Variants in SHTN1 observed in about 807,000 individuals in gnomAD.
SHTN1 encodes the protein shootin-1.
SHTN1 carries 42 observed loss-of-function variants against 83.1 expected under a neutral mutation model. The ratio of observed to expected loss-of-function variants is 0.51; its 90% CI spans 0.39 to 0.65. The LOEUF is 0.65. Among genes scored for constraint, SHTN1 ranks in the 30% least tolerant of loss-of-function variants. The pLI, the probability that SHTN1 is intolerant of heterozygous loss-of-function variation, is 0.00. For missense variants in SHTN1, 622 were observed against 737.8 expected, an observed-to-expected ratio of 0.84 and a Z score of 1.82; for synonymous variants, 224 against 247.7, an observed-to-expected ratio of 0.90 and a Z score of 0.90.
rs1250617378 is a variant in SHTN1, at chr10:116,968,922, CCTT to C, written c.112-213_112-211del. Among the ~76,000 whole-genome samples, 7 of 152,298 alleles carry C rather than the reference CCTT, an allele frequency of 4.6e-5. No homozygotes were observed. The East Asian group carries it at 1.3e-3, about 29-fold the overall frequency. ...TTTGTATCTGGCCAATTTTCTCAGA[CCTT>C]CTAAGATATAAGTCACCTTCCTGCT... On this transcript the variant is annotated intron_variant, in intron 2 of 16. Coordinates refer to ENST00000355371, the MANE Select transcript of SHTN1 (RefSeq NM_001127211.3).
intron 2 of SHTN1, among the ~76,000 whole-genome samples, chr10:117,019,152 C>T (rs915405943): frequency 5.9e-5 from 9 of 151,898 alleles, no homozygotes; most frequent in African/African-American, 2.2e-4. Context: ...AAAAAAGATT[C>T]CATTTACATT....
chr10:116,995,662 G>T (rs537620260), intron 1 of SHTN1, among the ~76,000 whole-genome samples: 1 of 152,124 alleles, frequency 6.6e-6, no homozygotes, highest in East Asian at 1.9e-4. Context: ...CTTTTAATAG[G>T]ATACAATTGA....
chr10:116,969,015 G>A (rs1185978453), intron 2 of SHTN1, among the ~76,000 whole-genome samples: 1 of 152,212 alleles, frequency 6.6e-6, no homozygotes, highest in Non-Finnish European at 1.5e-5. Context: ...TTCTTTAAGA[G>A]AATGTTTGTA....
At chr10:117,068,276 G>A (rs982828966) in intron 1 of SHTN1, among the ~76,000 whole-genome samples, 5 of 152,144 alleles carry the variant, frequency 3.3e-5, no homozygotes, top group African/African-American at 9.7e-5. Context: ...TGTAATCCCA[G>A]CTACTCAGAA....
chr10:117,114,880 A>C (rs1368041414), intron 1 of SHTN1, among the ~76,000 whole-genome samples: 1 of 152,182 alleles, frequency 6.6e-6, no homozygotes, highest in Non-Finnish European at 1.5e-5. Flanking sequence ...CTCTGCTCTC[A>C]TATGGGGCAT....
At chr10:117,099,009 T>TACACACACAA (rs1853548591) in intron 1 of SHTN1, among the ~76,000 whole-genome samples, 1 of 141,030 alleles carries the variant, frequency 7.1e-6, no homozygotes, top group African/African-American at 2.6e-5. Flanking sequence ...GTGGTATGTA[T>TACACACACAA]ACACACACAC....
intron 1 of SHTN1, among the ~76,000 whole-genome samples, chr10:116,982,914 G>C (rs1000727038): frequency 6.6e-6 from 1 of 151,756 alleles, no homozygotes; most frequent in East Asian, 1.9e-4. Context: ...AGTGAGCCGA[G>C]ATCATACCAC....
chr10:117,059,433 C>T (rs1852869766), intron 1 of SHTN1, among the ~76,000 whole-genome samples: 1 of 152,216 alleles, frequency 6.6e-6, no homozygotes, highest in Non-Finnish European at 1.5e-5. Context: ...ATGTTCACAG[C>T]AGCCATATTT....
intron 5 of SHTN1, among the ~76,000 whole-genome samples, chr10:116,952,757 T>C (rs975251665): frequency 1.5e-4 from 23 of 152,214 alleles, no homozygotes; most frequent in African/African-American, 5.5e-4. Flanking sequence ...TTTTGTCACT[T>C]AGGTTTTAAC....
intron 2 of SHTN1, among the ~76,000 whole-genome samples, chr10:117,016,810 T>C (rs894375585): frequency 6.6e-6 from 1 of 152,218 alleles, no homozygotes; most frequent in Middle Eastern, 3.2e-3. Flanking sequence ...GCTAGAGAGA[T>C]ATCAGTATGA....
intron 1 of SHTN1, among the ~76,000 whole-genome samples, chr10:117,069,822 G>A (rs1231617861): frequency 6.6e-6 from 1 of 152,076 alleles, no homozygotes; most frequent in African/African-American, 2.4e-5. Flanking sequence ...GATTTATTCT[G>A]CAAAGCAAAT....
At chr10:116,919,143 A>G (rs1848469426) in intron 12 of SHTN1, among the ~76,000 whole-genome samples, 1 of 152,208 alleles carries the variant, frequency 6.6e-6, no homozygotes, top group East Asian at 1.9e-4. Context: ...TTATAAATGC[A>G]AACCCCAAAG....
At chr10:116,923,332 T>C (rs528805715) in intron 11 of SHTN1, among the ~76,000 whole-genome samples, 2 of 152,328 alleles carry the variant, frequency 1.3e-5, no homozygotes, top group Admixed American at 1.3e-4. Flanking sequence ...CATAAAATGT[T>C]TACCAAAACA....
chr10:117,112,611 G>T (rs1853784381), intron 1 of SHTN1, among the ~76,000 whole-genome samples: 1 of 152,174 alleles, frequency 6.6e-6, no homozygotes, highest in Non-Finnish European at 1.5e-5. Context: ...GATAGACTTA[G>T]TGATTTGGCC....
At chr10:117,012,867 CATT>C (rs1475277452) in intron 2 of SHTN1, among the ~76,000 whole-genome samples, 2 of 152,078 alleles carry the variant, frequency 1.3e-5, no homozygotes, top group African/African-American at 2.4e-5. Flanking sequence ...TTGTATCACA[CATT>C]AAATAAATCA....
At chr10:116,959,628 G>A (rs1850108117) in intron 4 of SHTN1, among the ~76,000 whole-genome samples, 1 of 152,110 alleles carries the variant, frequency 6.6e-6, no homozygotes, top group Non-Finnish European at 1.5e-5. Flanking sequence ...TACACACTTG[G>A]TAAATTCATC....
At chr10:116,891,675 G>A (rs997190569) in intron 16 of SHTN1, among the ~76,000 whole-genome samples, 4 of 152,134 alleles carry the variant, frequency 2.6e-5, no homozygotes. Flanking sequence ...AGCAGAGGTA[G>A]TTTTGATTGT....
upstream of SHTN1, among the ~76,000 whole-genome samples, chr10:117,007,743 G>A (rs188308809): frequency 5.6e-3 from 858 of 151,860 alleles, 11 homozygotes; most frequent in Non-Finnish European, 8.4e-3. Context: ...TTTTTGTTCC[G>A]TTTAATAATA....
chr10:117,093,913 T>C (rs1347469504), intron 1 of SHTN1, among the ~76,000 whole-genome samples: 2 of 152,118 alleles, frequency 1.3e-5, no homozygotes, highest in African/African-American at 4.8e-5. Context: ...CCTGGGTAAA[T>C]AAAAGGTTCA....
Sources: gnomAD v4.1 joint callset for allele counts (sites outside exome capture counted in the v4.1 genomes callset) on GRCh38, gnomAD v4.1.1 for gene constraint, MANE v1.5 for transcripts, NCBI Gene and HGNC (gene_info 2026-07-23, HGNC 2026-07-21) for gene names.